CCDC7: variants seen among roughly 807,000 people sequenced by gnomAD.
CCDC7 encodes coiled-coil domain containing 7.
In CCDC7, 183 loss-of-function variants were observed where a neutral mutation model predicts 196.9. The ratio of observed to expected loss-of-function variants is 0.93; its 90% CI spans 0.82 to 1.05. CCDC7 has a LOEUF of 1.05. CCDC7 is among the 50% of genes least tolerant of loss of function. CCDC7 has a pLI of 0.00. For synonymous variants in CCDC7, 525 were observed against 484.6 expected, an observed-to-expected ratio of 1.08 and a Z score of -1.10; for missense variants, 1,540 against 1,482.2, an observed-to-expected ratio of 1.04 and a Z score of -0.64.
chr10:32,458,191 G>C (rs2034780179), intron 3 of CCDC7, among the ~76,000 whole-genome samples: 1 of 151,964 alleles, frequency 6.6e-6, no homozygotes, highest in African/African-American at 2.4e-5. Flanking sequence ...AGCTGTTTTT[G>C]AGCTGATTTT....
At chr10:32,796,420 C>T (rs2083565923) in intron 29 of CCDC7, among the ~76,000 whole-genome samples, 1 of 152,174 alleles carries the variant, frequency 6.6e-6, no homozygotes, top group Non-Finnish European at 1.5e-5. Context: ...CTACAAACCT[C>T]ACATCTGCCT....
rs188338421 is a variant in CCDC7 at position 32,575,105 on chromosome 10, G to A, written c.1454+3212G>A. ...AGATAATTTTAGAGACTAATACATG[G>A]AGATAATGAAACTACATATCTGACA... On this transcript the variant is annotated intron_variant, in intron 16 of 41. Transcript: ENST00000639629. Among the ~76,000 whole-genome samples the A allele has an allele frequency of 2.0e-4, 31 of 152,266 alleles. No individual in the cohort carries two copies. In the Middle Eastern group the frequency reaches 0.01, roughly 50 times the overall value.
At chr10:32,710,112 T>C (rs1388747921) in intron 24 of CCDC7, among the ~76,000 whole-genome samples, 2 of 152,202 alleles carry the variant, frequency 1.3e-5, no homozygotes, top group Admixed American at 6.5e-5. Flanking sequence ...AAACCTATTC[T>C]GTCATGACAC....
intron 21 of CCDC7, among the ~76,000 whole-genome samples, chr10:32,682,883 T>TACATA (rs2076023879): frequency 6.6e-6 from 1 of 152,216 alleles, no homozygotes; most frequent in African/African-American, 2.4e-5. Flanking sequence ...CCTTATAGAT[T>TACATA]CTGGATATTA....
intron 18 of CCDC7, among the ~76,000 whole-genome samples, chr10:32,621,507 T>C (rs2063409619): frequency 6.6e-6 from 1 of 152,168 alleles, no homozygotes; most frequent in Non-Finnish European, 1.5e-5. Context: ...CACATGAGGA[T>C]ATTTATTATG....
At chr10:32,540,071 T>C (rs1242130048) in intron 11 of CCDC7, among the ~76,000 whole-genome samples, 2 of 152,168 alleles carry the variant, frequency 1.3e-5, no homozygotes, top group Non-Finnish European at 2.9e-5. Flanking sequence ...GTTTATTTTC[T>C]GCCTCAATGG....
At chr10:32,628,872 A>G (rs941219644) in intron 18 of CCDC7, among the ~76,000 whole-genome samples, 2 of 152,116 alleles carry the variant, frequency 1.3e-5, no homozygotes, top group Admixed American at 1.3e-4. Context: ...GATATTTGAT[A>G]TGATTTCAAT....
chr10:32,650,705 C>A (rs2068596767), intron 20 of CCDC7, among the ~76,000 whole-genome samples: 1 of 152,052 alleles, frequency 6.6e-6, no homozygotes, highest in African/African-American at 2.4e-5. Context: ...CAAATCTCAG[C>A]TCAACCCTCC....
chr10:32,554,443 C>T (rs75933535), intron 13 of CCDC7, among the ~76,000 whole-genome samples: 20,426 of 152,194 alleles, frequency 0.13, 1,622 homozygotes, highest in African/African-American at 0.23. Flanking sequence ...CCCTGTGTTT[C>T]CAGGCAGGAA....
At chr10:32,501,425 G>A (rs1411617021) in intron 9 of CCDC7, among the ~76,000 whole-genome samples, 3 of 151,860 alleles carry the variant, frequency 2.0e-5, no homozygotes, top group East Asian at 3.9e-4. Flanking sequence ...TTCCCTTGCT[G>A]GTGAGCAGCT....
At chr10:32,634,203 A>T (rs1341291018) in intron 18 of CCDC7, 51 bp from the exon 20 acceptor site, 4 of 803,972 alleles carry the variant, frequency 5.0e-6, no homozygotes, top group Middle Eastern at 4.3e-4. Context: ...TGGAGATTTC[A>T]CAATAGAGCT....
chr10:32,752,560 C>T (rs1015208909), intron 28 of CCDC7, among the ~76,000 whole-genome samples: 4 of 152,064 alleles, frequency 2.6e-5, no homozygotes, highest in African/African-American at 9.7e-5. Flanking sequence ...CAGGTCCCCC[C>T]TTTTGTGTGA....
intron 33 of CCDC7, 110 bp downstream of exon 34, chr10:32,835,008 C>A: frequency 2.0e-6 from 1 of 496,154 alleles, no homozygotes; most frequent in Non-Finnish European, 3.7e-6. Flanking sequence ...GCGAAAATAT[C>A]TTCATGAATT....
intron 16 of CCDC7, among the ~76,000 whole-genome samples, chr10:32,573,032 C>G (rs1280014413): frequency 6.6e-6 from 1 of 152,100 alleles, no homozygotes. Context: ...CGTCCACCAC[C>G]ATGCCCGGCT....
chr10:32,670,933 TG>T (rs1346467653), intron 21 of CCDC7, among the ~76,000 whole-genome samples: 1 of 152,156 alleles, frequency 6.6e-6, no homozygotes, highest in Non-Finnish European at 1.5e-5. Flanking sequence ...TTATTTAATG[TG>T]GGCTTTTAGT....
At chr10:32,871,644 T>C (rs1326033691) in intron 41 of CCDC7, among the ~76,000 whole-genome samples, 1 of 152,152 alleles carries the variant, frequency 6.6e-6, no homozygotes, top group Non-Finnish European at 1.5e-5. Flanking sequence ...TTCTGCTAGC[T>C]TTTGAATGTG....
At chr10:32,469,930 T>C (rs2037604336) in intron 5 of CCDC7, among the ~76,000 whole-genome samples, 1 of 152,132 alleles carries the variant, frequency 6.6e-6, no homozygotes, top group Non-Finnish European at 1.5e-5. Context: ...CAATGAAGAA[T>C]AGATTTTTGA....
At chr10:32,448,598 G>C (rs1423015445), upstream of CCDC7, among the ~76,000 whole-genome samples, 2 of 151,480 alleles carry the variant, frequency 1.3e-5, no homozygotes, top group Non-Finnish European at 2.9e-5. Context: ...TATACTATTT[G>C]GTATTGATAT....
chr10:32,447,040 T>C (rs2031469449), upstream of CCDC7, among the ~76,000 whole-genome samples: 1 of 150,564 alleles, frequency 6.6e-6, no homozygotes, highest in East Asian at 2.0e-4. Flanking sequence ...TGTTCTTTTT[T>C]CCATCGAACT....
Sources: allele counts gnomAD v4.1 joint callset (sites outside exome capture counted in the v4.1 genomes callset), GRCh38; gene constraint gnomAD v4.1.1; transcripts MANE v1.5; gene names NCBI Gene and HGNC (gene_info 2026-07-23, HGNC 2026-07-21).